Variants in GHR observed in about 807,000 individuals in gnomAD.
GHR encodes the protein GH receptor.
In GHR, 35 loss-of-function variants were observed where a neutral mutation model predicts 67.1. The observed-to-expected ratio is 0.52, with a 90% CI of 0.40 to 0.69. GHR has a LOEUF of 0.69. GHR is among the 30% of genes least tolerant of loss of function. The probability of loss-of-function intolerance (pLI) is 0.00; values close to 1 mark genes in which losing one functional copy is unlikely to be tolerated. For missense variants in GHR, 792 were observed against 764.6 expected (o/e 1.04, Z -0.42); for synonymous variants, 272 against 269.1 (o/e 1.01, Z -0.10).
At chr5:42,510,682 A>G (rs1746974669) in intron 1 of GHR, among the ~76,000 whole-genome samples, 2 of 152,366 alleles carry the variant, frequency 1.3e-5, no homozygotes, top group Admixed American at 1.3e-4. Context: ...GGAATATTAA[A>G]AATGCACAAA....
chr5:42,494,572 G>T lies in GHR; in HGVS notation c.-12+70617G>T, dbSNP rs556012172. On this transcript the variant is annotated intron_variant, in intron 1 of 9. Transcript: ENST00000230882. ...AAGTATGGTATAATCCTAAGCATTC[G>T]CTCAGCACTCTTGCTTCTGGGAATT... 1.8e-3 allele frequency among the ~76,000 whole-genome samples: 271 copies of T among 152,118 alleles called. 6 individuals are homozygous for T. Among genetic ancestry groups the T allele is most frequent in the Non-Finnish European group, 6.0e-4 (41 of 67,992 alleles).
intron 2 of GHR, among the ~76,000 whole-genome samples, chr5:42,579,130 GATAGATAGATGATAGATAGATATAGAT>G (rs1750974439): frequency 1.8e-5 from 1 of 55,766 alleles, no homozygotes; most frequent in Non-Finnish European, 3.7e-5. Context: ...TAGATAGATA[GATAGATAGATGATAGATAGATATAGAT>G]AGATAGATAG....
intron 2 of GHR, among the ~76,000 whole-genome samples, chr5:42,605,249 A>G (rs1752574303): frequency 6.6e-6 from 1 of 151,736 alleles, no homozygotes; most frequent in Non-Finnish European, 1.5e-5. Context: ...GATTACAGGC[A>G]TGCACCAACA....
chr5:42,660,738 G>A (rs1309231743), intron 3 of GHR, among the ~76,000 whole-genome samples: 1 of 152,222 alleles, frequency 6.6e-6, no homozygotes, highest in Admixed American at 6.5e-5. Flanking sequence ...TTCCTCACCA[G>A]CAACGGAACA....
intron 1 of GHR, among the ~76,000 whole-genome samples, chr5:42,488,863 T>A (rs1401040646): frequency 6.6e-6 from 1 of 152,164 alleles, no homozygotes; most frequent in Non-Finnish European, 1.5e-5. Context: ...TATTTACTCT[T>A]CACAATAACC....
chr5:42,661,648 T>C (rs1328780990), intron 3 of GHR, among the ~76,000 whole-genome samples: 2 of 152,000 alleles, frequency 1.3e-5, no homozygotes, highest in Non-Finnish European at 2.9e-5. Context: ...CACTGCAAAA[T>C]CATGCCAAAT....
intron 1 of GHR, among the ~76,000 whole-genome samples, chr5:42,481,467 A>T (rs932410913): frequency 4.0e-5 from 6 of 151,828 alleles, no homozygotes; most frequent in Non-Finnish European, 8.8e-5. Context: ...CACCTGGATA[A>T]TATCCTGCAG....
rs1756825847 is a variant in GHR at position 42,680,832 on chromosome 5, T to C, written c.137-8058T>C. Among the ~76,000 whole-genome samples, 4 of 143,126 alleles carry C rather than the reference T, an allele frequency of 2.8e-5. No homozygotes were observed. In the Admixed American group the frequency reaches 2.9e-4, roughly 11 times the overall value. 93.9% of individuals were successfully genotyped at this position (143,126 alleles called of 152,430 possible). On this transcript the variant is annotated intron_variant, in intron 3 of 9. Transcript: ENST00000230882. ...AAACATGATTTTTTGATTGAATGCTTAATGTCTTTCTATTATTATTATTTT... is the reference window on the plus strand; with the variant it reads ...AAACATGATTTTTTGATTGAATGCTCAATGTCTTTCTATTATTATTATTTT...
intron 1 of GHR, chr5:42,466,052 G>T: frequency 4.7e-6 from 2 of 426,860 alleles, no homozygotes; most frequent in Non-Finnish European, 4.3e-6. Flanking sequence ...TTTATTCTTT[G>T]ATTCCTCTAT....
intron 1 of GHR, among the ~76,000 whole-genome samples, chr5:42,452,280 GATAGGTTTTTCTTT>G (rs1744082849): frequency 6.6e-6 from 1 of 152,160 alleles, no homozygotes; most frequent in Non-Finnish European, 1.5e-5. Flanking sequence ...CTGTTAATCT[GATAGGTTTTTCTTT>G]ATAGGTTACC....
chr5:42,610,239 T>C (rs1752826797), intron 2 of GHR, among the ~76,000 whole-genome samples: 1 of 152,154 alleles, frequency 6.6e-6, no homozygotes, highest in South Asian at 2.1e-4. Context: ...AGCTGCTGGC[T>C]CCTCCTTGGC....
intron 1 of GHR, among the ~76,000 whole-genome samples, chr5:42,457,143 C>T (rs1744296714): frequency 6.6e-6 from 1 of 152,184 alleles, no homozygotes; most frequent in Non-Finnish European, 1.5e-5. Context: ...CCTTCATCTT[C>T]ATGGTTTCTT....
chr5:42,479,157 C>A (rs1158828489), intron 1 of GHR, among the ~76,000 whole-genome samples: 1 of 152,148 alleles, frequency 6.6e-6, no homozygotes, highest in Non-Finnish European at 1.5e-5. Context: ...TGGTTTTTGT[C>A]TTTGGTTCTG....
At chr5:42,713,180 T>G (rs1029674919) in intron 7 of GHR, among the ~76,000 whole-genome samples, 5 of 152,176 alleles carry the variant, frequency 3.3e-5, no homozygotes, top group Non-Finnish European at 7.4e-5. Flanking sequence ...ACATTGATTT[T>G]GAACTATATG....
intron 1 of GHR, among the ~76,000 whole-genome samples, chr5:42,471,011 A>G (rs1449368037): frequency 6.6e-6 from 1 of 152,134 alleles, no homozygotes; most frequent in Non-Finnish European, 1.5e-5. Flanking sequence ...AAATTTTCTT[A>G]TTTGTGAGAG....
intron 1 of GHR, among the ~76,000 whole-genome samples, chr5:42,435,594 A>G (rs1429539343): frequency 2.0e-5 from 3 of 152,196 alleles, no homozygotes; most frequent in Non-Finnish European, 4.4e-5. Context: ...TTCCTCACCT[A>G]GTTTCCCATG....
chr5:42,559,757 A>G (rs1476821301), intron 1 of GHR, among the ~76,000 whole-genome samples: 1 of 152,154 alleles, frequency 6.6e-6, no homozygotes, highest in East Asian at 1.9e-4. Context: ...TTCCTCACTC[A>G]TAGGAAGGAA....
At chr5:42,508,341 T>C (rs1336330918) in intron 1 of GHR, among the ~76,000 whole-genome samples, 1 of 152,132 alleles carries the variant, frequency 6.6e-6, no homozygotes, top group Non-Finnish European at 1.5e-5. Context: ...CATGGAATCA[T>C]AGTAGTAAGG....
intron 2 of GHR, among the ~76,000 whole-genome samples, chr5:42,623,177 T>A (rs1753540299): frequency 6.6e-6 from 1 of 151,974 alleles, no homozygotes; most frequent in Non-Finnish European, 1.5e-5. Context: ...GATTTAAATC[T>A]TATATATATA....
Sources: allele counts gnomAD v4.1 joint callset (sites outside exome capture counted in the v4.1 genomes callset), GRCh38; gene constraint gnomAD v4.1.1; transcripts MANE v1.5; gene names NCBI Gene and HGNC (gene_info 2026-07-23, HGNC 2026-07-21).